ABCD2: variants seen among roughly 807,000 people sequenced by gnomAD.
ABCD2 encodes ATP binding cassette subfamily D member 2, also known as ATP-binding cassette sub-family D member 2.
In ABCD2, 36 loss-of-function variants were observed where a neutral mutation model predicts 70.9. That is an observed-to-expected ratio of 0.51 (90% CI 0.39 to 0.67). The LOEUF is 0.67. Ranked by LOEUF, ABCD2 falls within the 30% of genes least tolerant of loss-of-function variation. The pLI, the probability that ABCD2 is intolerant of heterozygous loss-of-function variation, is 0.00. For missense variants in ABCD2, 729 were observed against 890.2 expected (o/e 0.82, Z 2.30); for synonymous variants, 304 against 306.9 (o/e 0.99, Z 0.10).
the ABCD2 span, among the ~76,000 whole-genome samples, chr12:39,544,210 G>T: frequency 1.0e-3 from 154 of 152,204 alleles, 1 homozygote; most frequent in East Asian, 0.028. Flanking sequence ...ATCTTCTTGT[G>T]CTGAGTCAGT....
intron 9 of ABCD2, among the ~76,000 whole-genome samples, chr12:39,554,383 T>A (rs1217533196): frequency 6.6e-6 from 1 of 152,160 alleles, no homozygotes; most frequent in Non-Finnish European, 1.5e-5. Flanking sequence ...AAGGAAGACA[T>A]GCTGTTGCAT....
intron 6 of ABCD2, among the ~76,000 whole-genome samples, chr12:39,597,910 G>T (rs559457093): frequency 2.6e-5 from 4 of 152,044 alleles, no homozygotes; most frequent in African/African-American, 9.6e-5. Flanking sequence ...TCTTTTATCT[G>T]GTTCTCATTA....
intron 4 of ABCD2, 86 bp downstream of exon 4, chr12:39,604,676 A>G: frequency 9.4e-7 from 1 of 1,067,040 alleles, no homozygotes; most frequent in Non-Finnish European, 1.3e-6. Context: ...GGTACTTTGT[A>G]ACTACTAAAA....
chr12:39,606,610 T>A (rs970854710), intron 3 of ABCD2, among the ~76,000 whole-genome samples: 7 of 152,214 alleles, frequency 4.6e-5, no homozygotes, highest in African/African-American at 7.2e-5. Context: ...TCAAAATTAC[T>A]ATTTGAACTT....
At position 39,573,996 on chromosome 12, in the gene ABCD2, TC is replaced by T. The variant is rs11356400; in HGVS notation, c.1878-156del. Among the ~76,000 whole-genome samples the T allele has an allele frequency of 5.2e-3, 796 of 152,306 alleles. 4 individuals carry two copies. Among genetic ancestry groups the T allele is most frequent in the African/African-American group, 0.018 (741 of 41,578 alleles). Reference sequence around the variant, plus strand: ...AAATGATAAAGCAAAAAAGTAGTTGTCCCCTTCTTTGGACTATAATATCACA... The same window carrying T: ...AAATGATAAAGCAAAAAAGTAGTTGTCCCTTCTTTGGACTATAATATCACA... On this transcript the variant is annotated intron_variant, in intron 8 of 9. Coordinates refer to ENST00000308666, the MANE Select transcript of ABCD2 (RefSeq NM_005164.4).
intron 2 of ABCD2, 112 bp from the exon 3 acceptor site, chr12:39,607,826 T>G (rs1235080297): frequency 1.4e-6 from 1 of 727,996 alleles, no homozygotes; most frequent in Non-Finnish European, 2.3e-6. Flanking sequence ...ACATATTAAT[T>G]TTTCATTAGT....
intron 9 of ABCD2, among the ~76,000 whole-genome samples, chr12:39,565,856 T>C (rs1566538900): frequency 2.0e-5 from 3 of 152,218 alleles, no homozygotes; most frequent in East Asian, 1.9e-4. Context: ...TGAATTTTGT[T>C]AGAGGCCTTT....
intron 4 of ABCD2, among the ~76,000 whole-genome samples, chr12:39,604,381 A>G (rs1941942289): frequency 6.6e-6 from 1 of 152,098 alleles, no homozygotes; most frequent in Non-Finnish European, 1.5e-5. Flanking sequence ...GGGAAATAAG[A>G]CATAGAATAA....
intron 3 of ABCD2, among the ~76,000 whole-genome samples, chr12:39,605,177 A>T (rs1392798462): frequency 6.6e-6 from 1 of 152,072 alleles, no homozygotes; most frequent in Non-Finnish European, 1.5e-5. Flanking sequence ...ACACTTAAGG[A>T]TCTTTCAGTC....
At chr12:39,588,247 C>T (rs1344926131) in intron 6 of ABCD2, among the ~76,000 whole-genome samples, 7 of 152,122 alleles carry the variant, frequency 4.6e-5, no homozygotes, top group South Asian at 2.1e-4. Flanking sequence ...TTCAGTAATG[C>T]AATAAATTCA....
At chr12:39,609,556 C>G (rs375598575) in intron 2 of ABCD2, among the ~76,000 whole-genome samples, 1 of 152,074 alleles carries the variant, frequency 6.6e-6, no homozygotes, top group Non-Finnish European at 1.5e-5. Flanking sequence ...CAGGTTGTTA[C>G]TTTAATCTTT....
chr12:39,610,674 C>A (rs972747369), intron 2 of ABCD2, among the ~76,000 whole-genome samples: 5 of 152,182 alleles, frequency 3.3e-5, no homozygotes, highest in Non-Finnish European at 4.4e-5. Context: ...CACAGATGGA[C>A]TGGCATTTCA....
chr12:39,559,949 A>G (rs1941229708), intron 9 of ABCD2, among the ~76,000 whole-genome samples: 1 of 152,212 alleles, frequency 6.6e-6, no homozygotes, highest in African/African-American at 2.4e-5. Flanking sequence ...TCACTGGTAA[A>G]AGCAAGTAAA....
In ABCD2 at chr12:39,559,145, G is replaced by A. The variant is rs79992839; in HGVS notation, c.2004-5014C>T. Reference sequence around the variant, plus strand: ...CCCATCACTTCGGGAGGCTGAGGTGGGTGGATAATGTGAGGTCAGGAGTTC... The same window carrying A: ...CCCATCACTTCGGGAGGCTGAGGTGAGTGGATAATGTGAGGTCAGGAGTTC... On this transcript the variant is annotated intron_variant, in intron 9 of 9. Coordinates refer to ENST00000308666, the MANE Select transcript of ABCD2 (RefSeq NM_005164.4). 2.5e-3 allele frequency among the ~76,000 whole-genome samples: 376 copies of A among 152,138 alleles called. 2 individuals carry two copies. Among genetic ancestry groups the A allele is most frequent in the African/African-American group, 8.6e-3 (356 of 41,522 alleles).
downstream of ABCD2, among the ~76,000 whole-genome samples, chr12:39,549,738 A>G (rs1370128297): frequency 1.3e-5 from 2 of 151,950 alleles, no homozygotes; most frequent in African/African-American, 2.4e-5. Flanking sequence ...GACCTAAACT[A>G]ATTAAAAGAA....
At chr12:39,585,353 TG>T (rs1941650828) in intron 7 of ABCD2, among the ~76,000 whole-genome samples, 1 of 152,242 alleles carries the variant, frequency 6.6e-6, no homozygotes, top group East Asian at 1.9e-4. Flanking sequence ...TAGTGATTTT[TG>T]TATGTTGATT....
chr12:39,618,387 G>A (rs566249991), intron 1 of ABCD2, among the ~76,000 whole-genome samples: 36 of 152,278 alleles, frequency 2.4e-4, no homozygotes, highest in African/African-American at 6.0e-4. Flanking sequence ...AAGAAAATGC[G>A]TTAGAAATAA....
intron 6 of ABCD2, among the ~76,000 whole-genome samples, chr12:39,590,075 G>A (rs1487424766): frequency 6.6e-6 from 1 of 152,122 alleles, no homozygotes; most frequent in African/African-American, 2.4e-5. Flanking sequence ...GGACCCTATA[G>A]CCAATGTTTA....
At chr12:39,612,108 C>A (rs565709372) in intron 2 of ABCD2, among the ~76,000 whole-genome samples, 4 of 152,234 alleles carry the variant, frequency 2.6e-5, no homozygotes, top group East Asian at 1.9e-4. Flanking sequence ...GGAAATAGAA[C>A]CCTTACACAT....
Sources: gnomAD v4.1 joint callset for allele counts (sites outside exome capture counted in the v4.1 genomes callset) on GRCh38, gnomAD v4.1.1 for gene constraint, MANE v1.5 for transcripts, NCBI Gene and HGNC (gene_info 2026-07-23, HGNC 2026-07-21) for gene names.